The following RAB39A variants were observed in gnomAD, a reference collection of about 807,000 sequenced individuals.
RAB39A encodes ras-related protein Rab-39A.
In RAB39A, 17 loss-of-function variants were observed where a neutral mutation model predicts 20.9. The observed-to-expected ratio is 0.81, with a 90% CI of 0.56 to 1.22. The LOEUF (loss-of-function observed/expected upper bound fraction) is 1.22, where lower values mean the gene tolerates loss of function less well. Among genes scored for constraint, RAB39A ranks in the 50% most tolerant of loss-of-function variants. The pLI, the probability that RAB39A is intolerant of heterozygous loss-of-function variation, is 0.00. For synonymous variants in RAB39A, 99 were observed against 103.4 expected (o/e 0.96, Z 0.26); for missense variants, 234 against 270.5 (o/e 0.87, Z 0.95).
chr11:107,948,510 C>T (rs1861341259), intron 1 of RAB39A, among the ~76,000 whole-genome samples: 1 of 152,004 alleles, frequency 6.6e-6, no homozygotes, highest in East Asian at 1.9e-4. Flanking sequence ...CACCCCCAGC[C>T]GAGAGGGATT....
intron 1 of RAB39A, among the ~76,000 whole-genome samples, chr11:107,931,876 T>TG (rs2134946697): frequency 6.7e-6 from 1 of 149,156 alleles, no homozygotes; most frequent in Non-Finnish European, 1.5e-5. Context: ...TTTTTTTTTT[T>TG]TTTTTTTGAG....
chr11:107,931,826 T>TATG (rs912055196), intron 1 of RAB39A, among the ~76,000 whole-genome samples: 1 of 151,784 alleles, frequency 6.6e-6, no homozygotes, highest in Non-Finnish European at 1.5e-5. Context: ...AGTTGGTAAT[T>TATG]ATGATCGTGA....
In RAB39A at chr11:107,950,152, C is replaced by G. The variant is rs186847298; in HGVS notation, c.228-11794C>G. ...CCGAGATCGTGCCACTGCACTCCAC[C>G]CTGGGTGGCAGAGTGAGACTCCGTC... is the stretch of plus-strand genomic sequence containing the variant. On this transcript the variant is annotated intron_variant, in intron 1 of 1. Coordinates refer to ENST00000320578, the MANE Select transcript of RAB39A (RefSeq NM_017516.3). Among the ~76,000 whole-genome samples the G allele has an allele frequency of 1.1e-3, 164 of 151,582 alleles. 1 individual carries two copies. The highest frequency in any genetic ancestry group is 3.4e-3 in the Middle Eastern group (1 of 294).
chr11:107,938,980 G>T (rs1416214952), intron 1 of RAB39A, among the ~76,000 whole-genome samples: 2 of 151,982 alleles, frequency 1.3e-5, no homozygotes, highest in African/African-American at 4.8e-5. Context: ...AACTATTCAC[G>T]CCTGTAATCC....
chr11:107,953,760 G>A (rs984791898), intron 1 of RAB39A, among the ~76,000 whole-genome samples: 1 of 151,988 alleles, frequency 6.6e-6, no homozygotes, highest in African/African-American at 2.4e-5. Context: ...CTGTTTATGG[G>A]GAAAAAATAC....
intron 1 of RAB39A, among the ~76,000 whole-genome samples, chr11:107,945,833 C>T (rs1475247129): frequency 6.6e-6 from 1 of 152,142 alleles, no homozygotes; most frequent in Non-Finnish European, 1.5e-5. Context: ...TGGCTGGAAG[C>T]ACCAGGCATT....
At chr11:107,939,977 C>A (rs1306927495) in intron 1 of RAB39A, among the ~76,000 whole-genome samples, 1 of 152,162 alleles carries the variant, frequency 6.6e-6, no homozygotes, top group Non-Finnish European at 1.5e-5. Context: ...CATTGTCAGT[C>A]AATTTGGCTA....
chr11:107,939,373 G>A (rs900888341), intron 1 of RAB39A, among the ~76,000 whole-genome samples: 7 of 151,254 alleles, frequency 4.6e-5, no homozygotes, highest in African/African-American at 1.2e-4. Flanking sequence ...TTGGGAGGCC[G>A]AGGCGGGCAG....
Position 107,928,451 on chromosome 11 carries a change from C to T in RAB39A, c.-118C>T, listed in dbSNP as rs1861103054. On this transcript the variant is annotated 5_prime_UTR_variant, in exon 1 of 2. Transcript: ENST00000320578. The surrounding 1 kb of genome is among the most constrained non-coding windows in gnomAD (Gnocchi z 4.9). ...GCGGGCACCAGGCGGCGGCCGCAGC[C>T]GCAGGAATATGCTGGAAGGCGGCGG... 4.2e-6 allele frequency: 3 copies of T among 713,780 alleles called. No homozygotes were observed. The African/African-American group carries it at 5.5e-5, about 13-fold the overall frequency. 44.2% of individuals were successfully genotyped at this position (713,780 alleles called of 1,614,324 possible).
At chr11:107,960,698 C>T (rs1861487477) in intron 1 of RAB39A, among the ~76,000 whole-genome samples, 1 of 152,148 alleles carries the variant, frequency 6.6e-6, no homozygotes, top group African/African-American at 2.4e-5. Context: ...AGCCATTGAC[C>T]ACCTGGTTGG....
At chr11:107,958,557 AT>A (rs759017089) in intron 1 of RAB39A, among the ~76,000 whole-genome samples, 1 of 152,238 alleles carries the variant, frequency 6.6e-6, no homozygotes, top group Non-Finnish European at 1.5e-5. Flanking sequence ...GGACAACTAT[AT>A]CTGAATCTGA....
intron 1 of RAB39A, among the ~76,000 whole-genome samples, chr11:107,956,248 T>G (rs748825582): frequency 6.6e-6 from 1 of 152,210 alleles, no homozygotes; most frequent in Admixed American, 6.5e-5. Context: ...ACAACAGCTA[T>G]GTAAGTGGCT....
chr11:107,946,490 T>A (rs1861320057), intron 1 of RAB39A, among the ~76,000 whole-genome samples: 1 of 96,950 alleles, frequency 1.0e-5, no homozygotes, highest in Non-Finnish European at 2.0e-5. Context: ...TTTTTTTTTT[T>A]GAGACAGAGT....
intron 1 of RAB39A, among the ~76,000 whole-genome samples, chr11:107,952,556 G>C (rs1861391916): frequency 6.6e-6 from 1 of 151,934 alleles, no homozygotes; most frequent in Admixed American, 6.6e-5. Flanking sequence ...GTTCCAGCCT[G>C]AGCAACAAGA....
rs762566288 is a variant in RAB39A at position 107,962,409 on chromosome 11, G to A, written c.*37G>A. On this transcript the variant is annotated 3_prime_UTR_variant, in exon 2 of 2. Coordinates refer to ENST00000320578, the MANE Select transcript of RAB39A (RefSeq NM_017516.3). The stretch of plus-strand genomic sequence containing the variant: ...CTGAAGAACTAACAGGAACAGATTG[G>A]GTGTCAGTTCAGGATAAATACCAAC... The A allele has an allele frequency of 6.5e-7, 1 of 1,538,176 alleles. No homozygotes were observed. Among genetic ancestry groups the A allele is most frequent in the South Asian group, 1.3e-5 (1 of 79,652 alleles).
intron 1 of RAB39A, among the ~76,000 whole-genome samples, chr11:107,941,134 T>A (rs933317414): frequency 2.6e-5 from 4 of 152,184 alleles, no homozygotes; most frequent in African/African-American, 9.7e-5. Context: ...ATTTTCAACA[T>A]GATATTAATA....
At chr11:107,948,009 A>T (rs1321436753) in intron 1 of RAB39A, among the ~76,000 whole-genome samples, 2 of 149,814 alleles carry the variant, frequency 1.3e-5, no homozygotes, top group African/African-American at 4.9e-5. Context: ...CACACAAGTA[A>T]ACCAGGGGTG....
intron 1 of RAB39A, among the ~76,000 whole-genome samples, chr11:107,936,312 A>G (rs1861194354): frequency 6.6e-6 from 1 of 151,766 alleles, no homozygotes. Flanking sequence ...CTGTCTATCC[A>G]TACTGATGTT....
At chr11:107,933,676 A>AT (rs1177434796) in intron 1 of RAB39A, among the ~76,000 whole-genome samples, 2 of 137,404 alleles carry the variant, frequency 1.5e-5, no homozygotes, top group South Asian at 2.3e-4. Context: ...CTCACCTGTG[A>AT]TTCTTTTTTT....
Sources: allele counts gnomAD v4.1 joint callset (sites outside exome capture counted in the v4.1 genomes callset), GRCh38; gene constraint gnomAD v4.1.1; non-coding constraint Gnocchi (gnomAD v3.1); transcripts MANE v1.5; gene names NCBI Gene and HGNC (gene_info 2026-07-23, HGNC 2026-07-21).